The following ADGRL3 variants were observed in gnomAD, a reference collection of about 807,000 sequenced individuals.
ADGRL3 encodes the protein adhesion G protein-coupled receptor L3.
ADGRL3 carries 62 observed loss-of-function variants against 153.5 expected under a neutral mutation model. The ratio of observed to expected loss-of-function variants is 0.40; its 90% CI spans 0.33 to 0.50. The LOEUF is 0.50. Among genes scored for constraint, ADGRL3 ranks in the 20% least tolerant of loss-of-function variants. ADGRL3 has a pLI of 0.47. For synonymous variants in ADGRL3, 710 were observed against 672.5 expected, an observed-to-expected ratio of 1.06 and a Z score of -0.86; for missense variants, 1,641 against 1,859.4, an observed-to-expected ratio of 0.88 and a Z score of 2.16.
At chr4:61,692,017 G>A (rs907313969) in intron 6 of ADGRL3, among the ~76,000 whole-genome samples, 6 of 152,034 alleles carry the variant, frequency 3.9e-5, no homozygotes, top group African/African-American at 1.4e-4. Flanking sequence ...AGAATATTCT[G>A]GGGTGTTTAA....
chr4:61,795,964 T>C (rs548921771), intron 8 of ADGRL3, among the ~76,000 whole-genome samples: 165 of 152,200 alleles, frequency 1.1e-3, no homozygotes, highest in Middle Eastern at 3.4e-3. Flanking sequence ...TGCCTCAGCC[T>C]CCCGAGTAGC....
At chr4:61,887,034 T>G (rs137882995) in intron 9 of ADGRL3, among the ~76,000 whole-genome samples, 1,723 of 151,990 alleles carry the variant, frequency 0.011, 24 homozygotes, top group African/African-American at 0.04. Flanking sequence ...TTTATTTATT[T>G]TTTTATTTTT....
At chr4:61,760,453 G>A (rs2096897734) in intron 8 of ADGRL3, among the ~76,000 whole-genome samples, 1 of 151,996 alleles carries the variant, frequency 6.6e-6, no homozygotes, top group African/African-American at 2.4e-5. Context: ...AGGACCCTCT[G>A]AGCCAGGCAC....
chr4:61,849,148 C>T (rs1238820361), intron 9 of ADGRL3, among the ~76,000 whole-genome samples: 3 of 152,122 alleles, frequency 2.0e-5, no homozygotes, highest in Non-Finnish European at 2.9e-5. Flanking sequence ...GTCTGGATTC[C>T]TTTTTTCTCC....
chr4:61,770,786 C>G (rs763976386), intron 8 of ADGRL3, among the ~76,000 whole-genome samples: 3 of 152,138 alleles, frequency 2.0e-5, no homozygotes, highest in African/African-American at 7.2e-5. Flanking sequence ...TACTTCATAT[C>G]GGAGAACATA....
chr4:62,005,040 A>G (rs2099152940), intron 21 of ADGRL3, among the ~76,000 whole-genome samples: 1 of 152,158 alleles, frequency 6.6e-6, no homozygotes, highest in Admixed American at 6.6e-5. Context: ...TGACACTACT[A>G]GACTTGCTTC....
intron 4 of ADGRL3, among the ~76,000 whole-genome samples, chr4:61,582,512 A>G (rs2098930108): frequency 6.6e-6 from 1 of 152,032 alleles, no homozygotes; most frequent in South Asian, 2.1e-4. Context: ...TGCAAAAGAT[A>G]TGATCTCATT....
In ADGRL3 at chr4:61,213,508, A is replaced by T. The variant is rs113076310; in HGVS notation, c.-240+11743A>T. Among the ~76,000 whole-genome samples the T allele has an allele frequency of 7.6e-3, 1,161 of 152,246 alleles. 17 individuals are homozygous for T. The highest frequency in any genetic ancestry group is 0.027 in the African/African-American group (1,108 of 41,532). Reference sequence around the variant, plus strand: ...CTTACGTTGAACACTTTTAAAATACAGAGATACGTAAAGTTAAAAGTGAAA... The same window carrying T: ...CTTACGTTGAACACTTTTAAAATACTGAGATACGTAAAGTTAAAAGTGAAA... On this transcript the variant is annotated intron_variant, in intron 1 of 26. Coordinates refer to ENST00000683033, the MANE Select transcript of ADGRL3 (RefSeq NM_001387552.1).
chr4:61,364,003 A>G (rs1271654166), intron 1 of ADGRL3, among the ~76,000 whole-genome samples: 1 of 152,030 alleles, frequency 6.6e-6, no homozygotes, highest in African/African-American at 2.4e-5. Context: ...CAAATAATAA[A>G]TAATATATGC....
chr4:61,350,387 A>G (rs921294377), intron 1 of ADGRL3, among the ~76,000 whole-genome samples: 3 of 138,042 alleles, frequency 2.2e-5, no homozygotes, highest in Admixed American at 7.7e-5. Context: ...GTACATCTTG[A>G]TAATAACTGT....
chr4:61,908,197 A>G (rs1423782427), intron 11 of ADGRL3, among the ~76,000 whole-genome samples: 2 of 152,108 alleles, frequency 1.3e-5, no homozygotes, highest in Non-Finnish European at 2.9e-5. Context: ...GGATGCCTTG[A>G]GCCCAGGAAT....
At chr4:61,444,905 T>C (rs1025813427) in intron 2 of ADGRL3, among the ~76,000 whole-genome samples, 1 of 151,866 alleles carries the variant, frequency 6.6e-6, no homozygotes, top group Non-Finnish European at 1.5e-5. Flanking sequence ...ATACAAAAAT[T>C]ACCTAGGTGT....
At chr4:61,600,293 G>A (rs2099005750) in intron 5 of ADGRL3, among the ~76,000 whole-genome samples, 1 of 99,114 alleles carries the variant, frequency 1.0e-5, no homozygotes, top group Admixed American at 1.6e-4. Context: ...GGGCAGCAGA[G>A]TGAGGCTGCC....
chr4:61,619,516 TAC>T (rs34015455), intron 5 of ADGRL3, among the ~76,000 whole-genome samples: 8,034 of 149,446 alleles, frequency 0.054, 453 homozygotes, highest in African/African-American at 0.14. Flanking sequence ...GAATGTGAGA[TAC>T]ACACACACAC....
intron 4 of ADGRL3, among the ~76,000 whole-genome samples, chr4:61,542,102 T>G (rs1018686573): frequency 6.6e-6 from 1 of 152,186 alleles, no homozygotes; most frequent in Admixed American, 6.5e-5. Context: ...TAAGTAGAGA[T>G]GACTGTGTGA....
Position 61,996,377 on chromosome 4 carries a change from T to C in ADGRL3, c.3303+20T>C, listed in dbSNP as rs192782261. On this transcript the variant is annotated intron_variant, in intron 20 of 26. Transcript: ENST00000683033. ...ATTATGGTAAGAATTCCTAATTAAC[T>C]ATGTGTTTCCCAGATCAAGAAGTAA... 65 of 1,538,634 alleles carry C rather than the reference T, an allele frequency of 4.2e-5. No homozygotes were observed. The East Asian group carries it at 1.4e-3, about 34-fold the overall frequency.
intron 25 of ADGRL3, among the ~76,000 whole-genome samples, chr4:62,053,450 TA>T (rs1164667129): frequency 2.0e-5 from 3 of 151,532 alleles, no homozygotes; most frequent in African/African-American, 7.2e-5. Flanking sequence ...GCTTTCTTCA[TA>T]ATTTGTCATA....
At chr4:61,267,107 G>A (rs761589823) in intron 1 of ADGRL3, among the ~76,000 whole-genome samples, 3 of 151,608 alleles carry the variant, frequency 2.0e-5, no homozygotes, top group Non-Finnish European at 4.4e-5. Flanking sequence ...TAAATAAGTA[G>A]CATAATGAAA....
At chr4:61,455,723 T>G (rs2097727435) in intron 2 of ADGRL3, among the ~76,000 whole-genome samples, 1 of 152,070 alleles carries the variant, frequency 6.6e-6, no homozygotes, top group African/African-American at 2.4e-5. Flanking sequence ...ATTATTATAT[T>G]AATAATCTGC....
Sources: gnomAD v4.1 joint callset for allele counts (sites outside exome capture counted in the v4.1 genomes callset) on GRCh38, gnomAD v4.1.1 for gene constraint, MANE v1.5 for transcripts, NCBI Gene and HGNC (gene_info 2026-07-23, HGNC 2026-07-21) for gene names.